The following ZNF521 variants were observed in gnomAD, a reference collection of about 807,000 sequenced individuals.
The protein encoded by ZNF521 is LYST-interacting protein 3.
In ZNF521, 14 loss-of-function variants were observed where a neutral mutation model predicts 105.5. That is an observed-to-expected ratio of 0.13 (90% CI 0.09 to 0.21). The LOEUF (loss-of-function observed/expected upper bound fraction) is 0.21, where lower values mean the gene tolerates loss of function less well. Among genes scored for constraint, ZNF521 ranks in the 10% least tolerant of loss-of-function variants. The pLI, the probability that ZNF521 is intolerant of heterozygous loss-of-function variation, is 1.00. For missense variants in ZNF521, 1,233 were observed against 1,629.7 expected (o/e 0.76, Z 4.19); for synonymous variants, 635 against 606.0 (o/e 1.05, Z -0.70).
chr18:25,098,613 C>T lies in ZNF521; in HGVS notation c.3659-6532G>A, dbSNP rs1231353042. On this transcript the variant is annotated intron_variant, in intron 5 of 7. Transcript: ENST00000361524. The stretch of plus-strand genomic sequence containing the variant: ...GAAAAGGCAAGGGCAGGGATAAGGA[C>T]GGGAGTGAGGACTGAGACCAACTAA... Among the ~76,000 whole-genome samples, 6 of 152,050 alleles carry T rather than the reference C, an allele frequency of 3.9e-5. No individual in the cohort carries two copies. In the South Asian group the frequency reaches 6.2e-4, roughly 16 times the overall value.
chr18:25,161,315 A>G (rs2035247436), intron 5 of ZNF521, among the ~76,000 whole-genome samples: 1 of 152,144 alleles, frequency 6.6e-6, no homozygotes. Context: ...AGTTGTTCTA[A>G]GGCAATTAAC....
At chr18:25,145,512 C>T (rs773018521) in intron 5 of ZNF521, among the ~76,000 whole-genome samples, 9 of 152,138 alleles carry the variant, frequency 5.9e-5, no homozygotes, top group Non-Finnish European at 1.0e-4. Flanking sequence ...TCCACTTCAT[C>T]ATATCGGATG....
chr18:25,201,938 C>A (rs1396309701), intron 4 of ZNF521: 1 of 152,070 alleles, frequency 6.6e-6, no homozygotes, highest in Admixed American at 6.6e-5. Flanking sequence ...CCATGCCTAC[C>A]ACGTAGCACA....
intron 3 of ZNF521, among the ~76,000 whole-genome samples, chr18:25,249,729 T>G (rs1445668652): frequency 4.6e-5 from 7 of 152,190 alleles, no homozygotes; most frequent in African/African-American, 1.4e-4. Context: ...CCCGAAGTGC[T>G]GGGATTACAA....
At chr18:25,310,087 C>T (rs1057415403) in intron 3 of ZNF521, among the ~76,000 whole-genome samples, 3 of 152,074 alleles carry the variant, frequency 2.0e-5, no homozygotes, top group Non-Finnish European at 4.4e-5. Flanking sequence ...TATCTACCTC[C>T]TATTCTAGTA....
intron 3 of ZNF521, among the ~76,000 whole-genome samples, chr18:25,282,485 G>A (rs1910441291): frequency 6.6e-6 from 1 of 152,104 alleles, no homozygotes; most frequent in African/African-American, 2.4e-5. Context: ...TTTGGAAAGA[G>A]GAAGTCTGCA....
chr18:25,282,908 TAA>T (rs1910466771), intron 3 of ZNF521, among the ~76,000 whole-genome samples: 1 of 152,192 alleles, frequency 6.6e-6, no homozygotes, highest in Admixed American at 6.5e-5. Context: ...GGAGTAGAGA[TAA>T]AAGAGCTTTT....
intron 3 of ZNF521, among the ~76,000 whole-genome samples, chr18:25,314,383 A>T (rs1346738034): frequency 2.0e-5 from 3 of 152,174 alleles, no homozygotes; most frequent in Non-Finnish European, 4.4e-5. Flanking sequence ...TTTCACATTT[A>T]AAAAAATTCT....
chr18:25,219,738 G>C (rs2144712949), intron 4 of ZNF521, among the ~76,000 whole-genome samples: 1 of 152,208 alleles, frequency 6.6e-6, no homozygotes, highest in East Asian at 1.9e-4. Context: ...GATCACCTGA[G>C]CCTGGGAGGT....
intron 5 of ZNF521, among the ~76,000 whole-genome samples, chr18:25,165,492 C>CAGCT (rs1316811863): frequency 6.6e-6 from 1 of 152,208 alleles, no homozygotes; most frequent in East Asian, 1.9e-4. Flanking sequence ...ACAGTGTGAG[C>CAGCT]AGCTCTGTTC....
At chr18:25,080,540 C>T (rs6508346) in intron 7 of ZNF521, among the ~76,000 whole-genome samples, 116,421 of 152,208 alleles carry the variant, frequency 0.76, 44,873 homozygotes, top group East Asian at 0.98. Flanking sequence ...TGAAGCTGCC[C>T]GGCCTTAGCA....
At chr18:25,148,905 C>A (rs568292108) in intron 5 of ZNF521, among the ~76,000 whole-genome samples, 1 of 152,250 alleles carries the variant, frequency 6.6e-6, no homozygotes, top group South Asian at 2.1e-4. Context: ...AGCAACCAAT[C>A]TATTATTTAT....
At chr18:25,317,740 T>C (rs896248741) in intron 3 of ZNF521, among the ~76,000 whole-genome samples, 15 of 152,186 alleles carry the variant, frequency 9.9e-5, no homozygotes, top group African/African-American at 3.6e-4. Flanking sequence ...ACACCTTAAA[T>C]GAAGTCAATT....
chr18:25,255,457 C>T (rs1161259204), intron 3 of ZNF521, among the ~76,000 whole-genome samples: 1 of 152,054 alleles, frequency 6.6e-6, no homozygotes, highest in East Asian at 1.9e-4. Flanking sequence ...GCATAAAGTG[C>T]TCTTGGGTTC....
chr18:25,244,130 GGTAAGTA>G (rs1003622797), intron 3 of ZNF521, among the ~76,000 whole-genome samples: 7 of 152,002 alleles, frequency 4.6e-5, no homozygotes, highest in Non-Finnish European at 1.0e-4. Context: ...TTCCAATAGT[GGTAAGTA>G]AGGAAATCAT....
intron 3 of ZNF521, among the ~76,000 whole-genome samples, chr18:25,264,992 C>G (rs536425915): frequency 3.3e-5 from 5 of 152,178 alleles, no homozygotes; most frequent in Admixed American, 6.5e-5. Context: ...ATAATGGAAA[C>G]CAACTATCAC....
At chr18:25,099,989 C>T (rs2033934349) in intron 5 of ZNF521, among the ~76,000 whole-genome samples, 1 of 152,096 alleles carries the variant, frequency 6.6e-6, no homozygotes. Flanking sequence ...GGGGGGCCCG[C>T]AACACAAGCC....
chr18:25,203,282 G>A (rs553081438), intron 4 of ZNF521, among the ~76,000 whole-genome samples: 17 of 152,216 alleles, frequency 1.1e-4, no homozygotes, highest in African/African-American at 3.1e-4. Context: ...GAGATAGGAC[G>A]TGATCTGAGG....
intron 3 of ZNF521, among the ~76,000 whole-genome samples, chr18:25,278,052 A>C (rs1910145520): frequency 6.6e-6 from 1 of 152,192 alleles, no homozygotes; most frequent in Non-Finnish European, 1.5e-5. Flanking sequence ...CCTTACCTCC[A>C]TCATTTGGAA....
Sources: gnomAD v4.1 joint callset for allele counts (sites outside exome capture counted in the v4.1 genomes callset) on GRCh38, gnomAD v4.1.1 for gene constraint, MANE v1.5 for transcripts, NCBI Gene and HGNC (gene_info 2026-07-23, HGNC 2026-07-21) for gene names.